Variants in PDE4D observed in about 807,000 individuals in gnomAD.
PDE4D encodes 3',5'-cyclic-AMP phosphodiesterase 4D.
PDE4D carries 24 observed loss-of-function variants against 87.4 expected under a neutral mutation model. The ratio of observed to expected loss-of-function variants is 0.27; its 90% CI spans 0.20 to 0.39. The LOEUF is 0.39. Among genes scored for constraint, PDE4D ranks in the 10% least tolerant of loss-of-function variants. PDE4D has a pLI of 1.00. For missense variants in PDE4D, 714 were observed against 1,041.0 expected, an observed-to-expected ratio of 0.69 and a Z score of 4.32; for synonymous variants, 384 against 383.2, an observed-to-expected ratio of 1.00 and a Z score of -0.02.
intron 5 of PDE4D, among the ~76,000 whole-genome samples, chr5:59,097,277 GT>G (rs1481423187): frequency 7.2e-5 from 11 of 152,158 alleles, no homozygotes; most frequent in Non-Finnish European, 1.5e-5. Context: ...ATTTTGACTG[GT>G]AATACATCAT....
intron 3 of PDE4D, among the ~76,000 whole-genome samples, chr5:59,973,585 G>A (rs1469567401): frequency 6.6e-6 from 1 of 151,918 alleles, no homozygotes. Flanking sequence ...TTTTTCAGTG[G>A]ATATTGAACA....
intron 1 of PDE4D, among the ~76,000 whole-genome samples, chr5:59,236,789 A>AAAGGAGAG (rs1179579896): frequency 6.6e-6 from 1 of 152,020 alleles, no homozygotes; most frequent in Non-Finnish European, 1.5e-5. Context: ...AGAAGGGAAA[A>AAAGGAGAG]AAGGAGAGAG....
intron 3 of PDE4D, among the ~76,000 whole-genome samples, chr5:59,948,201 C>T (rs1003269366): frequency 1.3e-5 from 2 of 152,178 alleles, no homozygotes; most frequent in South Asian, 2.1e-4. Flanking sequence ...AATTCCCACT[C>T]TTGAGTTATT....
At chr5:59,876,950 T>C (rs563576854) in intron 1 of PDE4D, among the ~76,000 whole-genome samples, 2 of 152,266 alleles carry the variant, frequency 1.3e-5, no homozygotes, top group Non-Finnish European at 1.5e-5. Context: ...ACATTAATGG[T>C]ATTATGAAAA....
chr5:60,377,739 G>A (rs1035617414), intron 1 of PDE4D, among the ~76,000 whole-genome samples: 5 of 152,130 alleles, frequency 3.3e-5, no homozygotes, highest in African/African-American at 1.2e-4. Flanking sequence ...GGGAGGTCTT[G>A]AAGACAAAAA....
At chr5:59,626,533 T>C (rs946900183) in intron 1 of PDE4D, among the ~76,000 whole-genome samples, 6 of 152,220 alleles carry the variant, frequency 3.9e-5, no homozygotes, top group Admixed American at 2.0e-4. Flanking sequence ...TTAAGCTAAC[T>C]GCAAGTTTGC....
intron 1 of PDE4D, among the ~76,000 whole-genome samples, chr5:59,891,003 T>C (rs1750874597): frequency 6.6e-6 from 1 of 152,344 alleles, no homozygotes; most frequent in South Asian, 2.1e-4. Flanking sequence ...AAACATGACA[T>C]GCAATGTGTG....
At chr5:59,568,727 C>A (rs1351053556) in intron 1 of PDE4D, among the ~76,000 whole-genome samples, 1 of 151,944 alleles carries the variant, frequency 6.6e-6, no homozygotes, top group East Asian at 1.9e-4. Context: ...AATCAGTACT[C>A]CTCAAAACTG....
intron 2 of PDE4D, among the ~76,000 whole-genome samples, chr5:60,134,661 T>C (rs180809407): frequency 1.4e-4 from 21 of 152,336 alleles, no homozygotes; most frequent in Middle Eastern, 3.4e-3. Context: ...ATTCACATCC[T>C]CTCATATATT....
intron 2 of PDE4D, among the ~76,000 whole-genome samples, chr5:60,073,376 A>C (rs1245484429): frequency 6.6e-6 from 1 of 151,928 alleles, no homozygotes; most frequent in Non-Finnish European, 1.5e-5. Flanking sequence ...ATTGTGGTGG[A>C]TTAGTTTTTC....
intron 5 of PDE4D, among the ~76,000 whole-genome samples, chr5:59,107,109 GTGTGTGTGTGTGCT>G (rs1771721469): frequency 6.6e-6 from 1 of 151,904 alleles, no homozygotes; most frequent in Admixed American, 6.6e-5. Context: ...AGCTACATCT[GTGTGTGTGTGTGCT>G]TGTGTGTGTG....
chr5:60,116,722 A>C (rs1778205187), intron 2 of PDE4D, among the ~76,000 whole-genome samples: 2 of 152,094 alleles, frequency 1.3e-5, no homozygotes, highest in Non-Finnish European at 1.5e-5. Flanking sequence ...AGCAGGAAAA[A>C]ATTAAATTCT....
At chr5:59,177,637 A>G (rs1012439591) in intron 5 of PDE4D, among the ~76,000 whole-genome samples, 2 of 152,148 alleles carry the variant, frequency 1.3e-5, no homozygotes, top group African/African-American at 4.8e-5. Flanking sequence ...GGGTAGGCAG[A>G]GCAACCACGT....
intron 2 of PDE4D, among the ~76,000 whole-genome samples, chr5:60,093,117 A>G (rs147146631): frequency 6.6e-6 from 1 of 152,354 alleles, no homozygotes; most frequent in East Asian, 1.9e-4. Context: ...AAGGAGAGGT[A>G]GGTATGGAAT....
At chr5:59,477,353 T>TAAAAAAAA (rs35047246) in intron 1 of PDE4D, among the ~76,000 whole-genome samples, 1 of 88,282 alleles carries the variant, frequency 1.1e-5, no homozygotes, top group Non-Finnish European at 2.3e-5. Flanking sequence ...TAGAGTATAA[T>TAAAAAAAA]AAAAAAAAAA....
chr5:58,995,708 T>A (rs1314815503), intron 6 of PDE4D, among the ~76,000 whole-genome samples: 4 of 152,200 alleles, frequency 2.6e-5, no homozygotes, highest in Non-Finnish European at 5.9e-5. Context: ...GATGAAGGAT[T>A]TGACTGTAGT....
At chr5:60,075,310 T>C (rs116318024) in intron 2 of PDE4D, among the ~76,000 whole-genome samples, 2,006 of 152,316 alleles carry the variant, frequency 0.013, 39 homozygotes, top group African/African-American at 0.046. Flanking sequence ...TTGGAATATC[T>C]TTTTTTGAAG....
At chr5:60,353,825 C>A (rs554802843) in intron 1 of PDE4D, among the ~76,000 whole-genome samples, 2 of 152,184 alleles carry the variant, frequency 1.3e-5, no homozygotes, top group South Asian at 4.1e-4. Flanking sequence ...ATTGACCAGG[C>A]GGCCAATAAC....
intron 1 of PDE4D, chr5:59,768,637 A>G (rs1763110048): frequency 5.9e-6 from 9 of 1,527,048 alleles, no homozygotes; most frequent in Non-Finnish European, 7.0e-6. Flanking sequence ...CGCCTGCCTC[A>G]GTCTCTCTGT....
Sources: gnomAD v4.1 joint callset for allele counts (sites outside exome capture counted in the v4.1 genomes callset) on GRCh38, gnomAD v4.1.1 for gene constraint, MANE v1.5 for transcripts, NCBI Gene and HGNC (gene_info 2026-07-23, HGNC 2026-07-21) for gene names.